Variants in RHEX observed in about 807,000 individuals in gnomAD.
The protein encoded by RHEX is regulator of hemoglobinization and erythroid cell expansion.
A neutral mutation model predicts 20.1 loss-of-function variants in RHEX; 18 were observed. That is an observed-to-expected ratio of 0.90 (90% CI 0.62 to 1.33). RHEX has a LOEUF of 1.33. RHEX is among the 40% of genes most tolerant of loss of function. The probability of loss-of-function intolerance (pLI) is 0.00; values close to 1 mark genes in which losing one functional copy is unlikely to be tolerated. For missense variants in RHEX, 192 were observed against 214.3 expected, an observed-to-expected ratio of 0.90 and a Z score of 0.65; for synonymous variants, 87 against 77.1, an observed-to-expected ratio of 1.13 and a Z score of -0.67.
In RHEX at chr1:206,067,201, A is replaced by C. The variant is rs1486895171; in HGVS notation, c.-97+13936A>C. On this transcript the variant is annotated intron_variant, in intron 1 of 5. Coordinates refer to ENST00000331555, the MANE Select transcript of RHEX (RefSeq NM_001007544.4). This position sits in a 1 kb window ranked among gnomAD's most constrained non-coding sequence, Gnocchi z 4.6. ...TATCTCATCAAAGCCAGGGAAACTT[A>C]AAGTTTTTCTGGGTGATCTGGGCCA... is the stretch of plus-strand genomic sequence containing the variant. Among the ~76,000 whole-genome samples, 1 of 152,216 alleles carries C rather than the reference A, an allele frequency of 6.6e-6. No homozygotes were observed. The highest frequency in any genetic ancestry group is 2.4e-5 in the African/African-American group (1 of 41,460).
In RHEX at chr1:206,102,155, T is replaced by A; in HGVS notation, c.*203T>A. The A allele has an allele frequency of 1.7e-6, 1 of 587,584 alleles. No individual in the cohort carries two copies. The highest frequency in any genetic ancestry group is 3.0e-6 in the Non-Finnish European group (1 of 330,920). The allele number at this position is 587,584 out of a possible 1,614,324, so 36.4% of individuals were successfully genotyped here. A position where few individuals can be genotyped will look rare whatever the true frequency, so the allele number is the denominator to read the frequency against. Reference sequence around the variant, plus strand: ...TCCTGGTCTGTACCCAAAAAAGCTGTTCGTTCCTCAAAAACAAAAACAAGG... The same window carrying A: ...TCCTGGTCTGTACCCAAAAAAGCTGATCGTTCCTCAAAAACAAAAACAAGG... On this transcript the variant is annotated 3_prime_UTR_variant, in exon 6 of 6. Transcript: ENST00000331555.
intron 1 of RHEX, among the ~76,000 whole-genome samples, chr1:206,077,499 T>C (rs1175986851): frequency 6.6e-6 from 1 of 152,092 alleles, no homozygotes; most frequent in Non-Finnish European, 1.5e-5. Flanking sequence ...AGGCTGGGTG[T>C]GGTGGCTCAC....
chr1:206,101,987 T>C lies in RHEX; in HGVS notation c.*35T>C, dbSNP rs782506475. On this transcript the variant is annotated 3_prime_UTR_variant, in exon 6 of 6. Coordinates refer to ENST00000331555, the MANE Select transcript of RHEX (RefSeq NM_001007544.4). The stretch of plus-strand genomic sequence containing the variant: ...ATTTTTAATGGGGTCCAGTTCTCTA[T>C]GGATTCTTACATTTAATTTGTAGGG... 2 of 1,495,528 alleles carry C rather than the reference T, an allele frequency of 1.3e-6. No individual in the cohort carries two copies. Among genetic ancestry groups the C allele is most frequent in the South Asian group, 2.3e-5 (2 of 88,284 alleles). The allele number at this position is 1,495,528 out of a possible 1,614,324, so 92.6% of individuals were successfully genotyped here.
intron 1 of RHEX, among the ~76,000 whole-genome samples, chr1:206,071,970 G>A (rs993914451): frequency 6.6e-6 from 1 of 152,116 alleles, no homozygotes; most frequent in Non-Finnish European, 1.5e-5. Flanking sequence ...TAAATCAGTA[G>A]GCGTATTTTG....
chr1:206,100,713 T>C lies in RHEX; in HGVS notation c.257-423T>C, dbSNP rs549141005. On this transcript the variant is annotated intron_variant, in intron 4 of 5. Coordinates refer to ENST00000331555, the MANE Select transcript of RHEX (RefSeq NM_001007544.4). Reference sequence around the variant, plus strand: ...AGAGATGTGATCTGCCTAGATTTAGTGACAGCTTTGGACTAGAAGGTGTAA... The same window carrying C: ...AGAGATGTGATCTGCCTAGATTTAGCGACAGCTTTGGACTAGAAGGTGTAA... Among the ~76,000 whole-genome samples the C allele has an allele frequency of 4.0e-4, 61 of 152,340 alleles. No individual in the cohort carries two copies. The South Asian group carries it at 0.012, about 31-fold the overall frequency.
intron 1 of RHEX, among the ~76,000 whole-genome samples, chr1:206,070,100 CAGTT>C (rs1467206547): frequency 2.9e-4 from 44 of 151,844 alleles, no homozygotes; most frequent in African/African-American, 8.9e-4. Flanking sequence ...CTGCCCTTCT[CAGTT>C]AGGATGGGGG....
chr1:206,082,559 TA>T (rs1226016966), intron 1 of RHEX, among the ~76,000 whole-genome samples: 1 of 152,118 alleles, frequency 6.6e-6, no homozygotes, highest in African/African-American at 2.4e-5. Context: ...TGTTGTTCAC[TA>T]CAGAAAGGAC....
chr1:206,077,983 C>G (rs575672021), intron 1 of RHEX, among the ~76,000 whole-genome samples: 3 of 152,246 alleles, frequency 2.0e-5, no homozygotes, highest in African/African-American at 7.2e-5. Context: ...GATAGTGACA[C>G]CTTTGCTTTC....
intron 1 of RHEX, among the ~76,000 whole-genome samples, chr1:206,074,345 T>C (rs1553284991): frequency 6.6e-6 from 1 of 152,224 alleles, no homozygotes; most frequent in Non-Finnish European, 1.5e-5. Context: ...CAGAGCCACA[T>C]ATATAGTGGA....
At chr1:206,092,385 C>T (rs1553287147) in intron 1 of RHEX, among the ~76,000 whole-genome samples, 2 of 152,082 alleles carry the variant, frequency 1.3e-5, no homozygotes, top group East Asian at 1.9e-4. Flanking sequence ...AGTTACTGTT[C>T]CCATCTTACA....
intron 4 of RHEX, 141 bp from the exon 5 acceptor site, chr1:206,100,995 C>A: frequency 1.7e-6 from 1 of 601,932 alleles, no homozygotes; most frequent in Non-Finnish European, 2.9e-6. Flanking sequence ...CTGTATCTCT[C>A]TTCCCTACCC....
chr1:206,071,677 T>G (rs950991352), intron 1 of RHEX, among the ~76,000 whole-genome samples: 1 of 149,792 alleles, frequency 6.7e-6, no homozygotes, highest in Non-Finnish European at 1.5e-5. Flanking sequence ...CGAGACCACA[T>G]CTCTACAAAA....
chr1:206,086,027 T>TC (rs1558176943), intron 1 of RHEX, among the ~76,000 whole-genome samples: 1 of 152,172 alleles, frequency 6.6e-6, no homozygotes, highest in Admixed American at 6.5e-5. Context: ...CCCTCTGTTG[T>TC]CCTTTTCCCC....
intron 1 of RHEX, among the ~76,000 whole-genome samples, chr1:206,077,382 C>T (rs1553285391): frequency 6.6e-6 from 1 of 152,120 alleles, no homozygotes; most frequent in Non-Finnish European, 1.5e-5. Flanking sequence ...CATTCATTGA[C>T]CAATGGTGAA....
chr1:206,101,751 G>T lies in RHEX; in HGVS notation c.319-1G>T. The T allele has an allele frequency of 6.2e-7, 1 of 1,610,974 alleles. No homozygotes were observed. The highest frequency in any genetic ancestry group is 1.1e-5 in the South Asian group (1 of 90,694). On this transcript the variant is annotated splice_acceptor_variant, in intron 5 of 5. Transcript: ENST00000331555. LOFTEE classifies it high-confidence loss of function. ...CCACATGTCTCTGCTTTTCTCCTAA[G>T]GCCACAGAGGATGTGGATTACACAC...
intron 1 of RHEX, among the ~76,000 whole-genome samples, chr1:206,068,898 G>C (rs1662479042): frequency 6.6e-6 from 1 of 152,226 alleles, no homozygotes; most frequent in Non-Finnish European, 1.5e-5. Flanking sequence ...CTGGTTTAAA[G>C]GGGTACCTGT....
intron 1 of RHEX, among the ~76,000 whole-genome samples, chr1:206,059,403 G>T (rs1330973279): frequency 6.6e-6 from 1 of 152,102 alleles, no homozygotes; most frequent in Non-Finnish European, 1.5e-5. Flanking sequence ...GTAAAACTTG[G>T]TACTTTTGTG....
chr1:206,102,076 A>G lies in RHEX; in HGVS notation c.*124A>G. 1 of 774,986 alleles carries G rather than the reference A, an allele frequency of 1.3e-6. No homozygotes were observed. Among genetic ancestry groups the G allele is most frequent in the South Asian group, 1.6e-5 (1 of 63,150 alleles). 48.0% of individuals were successfully genotyped at this position (774,986 alleles called of 1,614,324 possible). Reference sequence around the variant, plus strand: ...ACAAGTCTATGGAGACAGGCCAAAAAGAATGTGGAGAAGAAAACTGATAAA... The same window carrying G: ...ACAAGTCTATGGAGACAGGCCAAAAGGAATGTGGAGAAGAAAACTGATAAA... On this transcript the variant is annotated 3_prime_UTR_variant, in exon 6 of 6. Transcript: ENST00000331555.
chr1:206,057,666 G>C (rs1344674302), intron 1 of RHEX, among the ~76,000 whole-genome samples: 2 of 152,256 alleles, frequency 1.3e-5, no homozygotes, highest in Non-Finnish European at 2.9e-5. Flanking sequence ...GCACCATTAA[G>C]CCATCTTTCT....
Sources: gnomAD v4.1 joint callset for allele counts (sites outside exome capture counted in the v4.1 genomes callset) on GRCh38, gnomAD v4.1.1 for gene constraint, Gnocchi (gnomAD v3.1) non-coding constraint, MANE v1.5 for transcripts, NCBI Gene and HGNC (gene_info 2026-07-23, HGNC 2026-07-21) for gene names.